NRG1: variants seen among roughly 807,000 people sequenced by gnomAD.
The protein encoded by NRG1 is neuregulin 1.
Under a neutral mutation model 63.8 loss-of-function variants are expected in NRG1, and 18 were observed. The ratio of observed to expected loss-of-function variants is 0.28; its 90% CI spans 0.19 to 0.42. The LOEUF (loss-of-function observed/expected upper bound fraction) is 0.42, where lower values mean the gene tolerates loss of function less well. Ranked by LOEUF, NRG1 falls within the 10% of genes least tolerant of loss-of-function variation. The pLI, the probability that NRG1 is intolerant of heterozygous loss-of-function variation, is 1.00. For synonymous variants in NRG1, 302 were observed against 301.3 expected (o/e 1.00, Z -0.02); for missense variants, 762 against 814.7 (o/e 0.94, Z 0.79).
At chr8:31,717,943 C>A (rs115200850) in intron 1 of NRG1, among the ~76,000 whole-genome samples, 2 of 152,194 alleles carry the variant, frequency 1.3e-5, no homozygotes, top group East Asian at 3.9e-4. Flanking sequence ...GTGATTAATG[C>A]GTCTTTTAGT....
intron 1 of NRG1, among the ~76,000 whole-genome samples, chr8:31,960,298 T>C (rs1184799440): frequency 6.6e-6 from 1 of 152,148 alleles, no homozygotes; most frequent in Non-Finnish European, 1.5e-5. Flanking sequence ...TTGGGGTTCT[T>C]CCCTGACAGT....
intron 1 of NRG1, among the ~76,000 whole-genome samples, chr8:31,695,078 C>T (rs1157161155): frequency 6.6e-6 from 1 of 152,152 alleles, no homozygotes; most frequent in Admixed American, 6.5e-5. Context: ...AGGAAACTTA[C>T]AAGCATGGCA....
chr8:32,555,653 A>T, intron 1 of NRG1, among the ~76,000 whole-genome samples: 1 of 152,140 alleles, frequency 6.6e-6, no homozygotes, highest in Non-Finnish European at 1.5e-5. Flanking sequence ...TTGTATTTCT[A>T]GTAGAGACGG....
chr8:32,308,875 A>G (rs1013620177), intron 1 of NRG1, among the ~76,000 whole-genome samples: 10 of 152,326 alleles, frequency 6.6e-5, no homozygotes, highest in African/African-American at 1.4e-4. Context: ...TGAATAGACC[A>G]AACTATTCAT....
At chr8:32,186,018 A>G (rs986634174) in intron 1 of NRG1, among the ~76,000 whole-genome samples, 4 of 152,208 alleles carry the variant, frequency 2.6e-5, no homozygotes, top group Non-Finnish European at 1.5e-5. Flanking sequence ...GTTACTCCAT[A>G]AGAAGCCAAA....
intron 6 of NRG1, among the ~76,000 whole-genome samples, chr8:32,730,242 G>T (rs1446517735): frequency 6.6e-6 from 1 of 152,108 alleles, no homozygotes; most frequent in Non-Finnish European, 1.5e-5. Context: ...GAGCCCAGGA[G>T]TTGGAGACCA....
intron 1 of NRG1, among the ~76,000 whole-genome samples, chr8:32,140,594 T>C (rs578098840): frequency 6.6e-6 from 1 of 152,200 alleles, no homozygotes; most frequent in African/African-American, 2.4e-5. Flanking sequence ...ACTGAGTAGC[T>C]GGGACTACAG....
chr8:31,888,571 G>C (rs1221831661), intron 1 of NRG1, among the ~76,000 whole-genome samples: 1 of 151,934 alleles, frequency 6.6e-6, no homozygotes, highest in African/African-American at 2.4e-5. Flanking sequence ...GAATAGGTCA[G>C]TGCATTTTTT....
chr8:31,691,195 A>C (rs1194618270), intron 1 of NRG1, among the ~76,000 whole-genome samples: 1 of 152,234 alleles, frequency 6.6e-6, no homozygotes, highest in Non-Finnish European at 1.5e-5. Context: ...GTAAAGTAGC[A>C]AATGACAAAG....
intron 1 of NRG1, among the ~76,000 whole-genome samples, chr8:31,659,746 T>C (rs553362954): frequency 6.6e-5 from 10 of 152,224 alleles, no homozygotes; most frequent in African/African-American, 2.4e-4. Context: ...TCTTGCTGCA[T>C]GCTCTGTGGA....
At chr8:31,953,672 T>C (rs1803860502) in intron 1 of NRG1, among the ~76,000 whole-genome samples, 1 of 152,124 alleles carries the variant, frequency 6.6e-6, no homozygotes, top group South Asian at 2.1e-4. Flanking sequence ...ACTTTTGGGG[T>C]TTATTTTTAA....
At chr8:32,113,090 C>T in intron 1 of NRG1, among the ~76,000 whole-genome samples, 1 of 152,118 alleles carries the variant, frequency 6.6e-6, no homozygotes, top group East Asian at 1.9e-4. Flanking sequence ...ACTGGGCAGG[C>T]CACATACCAC....
At chr8:32,379,812 A>G (rs559949001) in intron 1 of NRG1, among the ~76,000 whole-genome samples, 1 of 152,208 alleles carries the variant, frequency 6.6e-6, no homozygotes, top group Non-Finnish European at 1.5e-5. Flanking sequence ...CTATAGGTCA[A>G]TACTGTCCTA....
chr8:31,882,112 A>G (rs1394478608), intron 1 of NRG1, among the ~76,000 whole-genome samples: 1 of 152,070 alleles, frequency 6.6e-6, no homozygotes, highest in South Asian at 2.1e-4. Flanking sequence ...TTCAAGGGAC[A>G]GGCTATCTTG....
intron 1 of NRG1, among the ~76,000 whole-genome samples, chr8:31,731,540 G>T (rs1258076305): frequency 6.6e-6 from 1 of 151,734 alleles, no homozygotes; most frequent in Non-Finnish European, 1.5e-5. Flanking sequence ...AATACTTTTG[G>T]TCATACAGGA....
At chr8:32,087,616 G>A (rs1026992379) in intron 1 of NRG1, among the ~76,000 whole-genome samples, 1 of 149,818 alleles carries the variant, frequency 6.7e-6, no homozygotes, top group Non-Finnish European at 1.5e-5. Flanking sequence ...GACTACAGGT[G>A]CGTGTGCCCA....
chr8:32,222,741 T>C (rs543113336), intron 1 of NRG1, among the ~76,000 whole-genome samples: 3 of 152,322 alleles, frequency 2.0e-5, no homozygotes, highest in Non-Finnish European at 4.4e-5. Flanking sequence ...AAACAGGAGT[T>C]CTATCTGCCA....
intron 1 of NRG1, among the ~76,000 whole-genome samples, chr8:31,693,636 C>G (rs1258070555): frequency 6.6e-6 from 1 of 152,188 alleles, no homozygotes; most frequent in Non-Finnish European, 1.5e-5. Context: ...GCAGGGACGG[C>G]TTTCCTGTAG....
At chr8:32,428,575 G>A (rs1817717495) in intron 1 of NRG1, among the ~76,000 whole-genome samples, 1 of 152,142 alleles carries the variant, frequency 6.6e-6, no homozygotes. Flanking sequence ...TGTGAAGGGA[G>A]GACACCCTTG....
Sources: allele counts gnomAD v4.1 joint callset (sites outside exome capture counted in the v4.1 genomes callset), GRCh38; gene constraint gnomAD v4.1.1; transcripts MANE v1.5; gene names NCBI Gene and HGNC (gene_info 2026-07-23, HGNC 2026-07-21).